Variants in SLC9A9 observed in about 807,000 individuals in gnomAD.
The protein encoded by SLC9A9 is sodium/hydrogen exchanger 9.
A neutral mutation model predicts 77.8 loss-of-function variants in SLC9A9; 62 were observed. The observed-to-expected ratio is 0.80, with a 90% CI of 0.65 to 0.98. SLC9A9 has a LOEUF of 0.98. SLC9A9 is among the 50% of genes least tolerant of loss of function. The pLI, the probability that SLC9A9 is intolerant of heterozygous loss-of-function variation, is 0.00. For synonymous variants in SLC9A9, 320 were observed against 283.5 expected (o/e 1.13, Z -1.29); for missense variants, 775 against 774.9 (o/e 1.00, Z 0.00).
At chr3:143,430,409 C>A (rs1211270838) in intron 12 of SLC9A9, among the ~76,000 whole-genome samples, 3 of 152,238 alleles carry the variant, frequency 2.0e-5, no homozygotes, top group Non-Finnish European at 4.4e-5. Context: ...TACACTCACA[C>A]ACACCTTTCT....
At chr3:143,511,790 C>G (rs1420439668) in intron 9 of SLC9A9, among the ~76,000 whole-genome samples, 1 of 152,164 alleles carries the variant, frequency 6.6e-6, no homozygotes, top group African/African-American at 2.4e-5. Flanking sequence ...TTGGGACTGA[C>G]CTATTTTCAG....
At chr3:143,514,408 AC>A (rs201997742) in intron 9 of SLC9A9, among the ~76,000 whole-genome samples, 3,092 of 152,322 alleles carry the variant, frequency 0.02, 101 homozygotes, top group African/African-American at 0.069. Flanking sequence ...GTAAACAGCT[AC>A]ATTAATCCCT....
intron 14 of SLC9A9, among the ~76,000 whole-genome samples, chr3:143,301,061 C>A (rs1156805546): frequency 6.6e-6 from 1 of 152,176 alleles, no homozygotes; most frequent in Non-Finnish European, 1.5e-5. Flanking sequence ...CCACTACCAC[C>A]TTCACCATGA....
chr3:143,462,153 G>T (rs533331354), intron 12 of SLC9A9, among the ~76,000 whole-genome samples: 43 of 152,284 alleles, frequency 2.8e-4, no homozygotes, highest in African/African-American at 1.0e-3. Flanking sequence ...GATTGCTTGA[G>T]CTCAGGAGTT....
intron 6 of SLC9A9, among the ~76,000 whole-genome samples, chr3:143,580,285 C>A (rs780669214): frequency 9.2e-5 from 14 of 152,168 alleles, no homozygotes; most frequent in Non-Finnish European, 1.6e-4. Flanking sequence ...AGAAAGCATT[C>A]CATTTGCATT....
chr3:143,371,134 T>C (rs1025731532), intron 13 of SLC9A9, among the ~76,000 whole-genome samples: 3 of 152,108 alleles, frequency 2.0e-5, no homozygotes, highest in Non-Finnish European at 2.9e-5. Context: ...GACCTGTACA[T>C]GCACAGGTTG....
intron 6 of SLC9A9, among the ~76,000 whole-genome samples, chr3:143,616,426 C>A (rs2108706130): frequency 6.6e-6 from 1 of 152,244 alleles, no homozygotes; most frequent in South Asian, 2.1e-4. Flanking sequence ...CTCCTCAAAA[C>A]AAATGACTTG....
At chr3:143,334,195 G>A (rs898665984) in intron 14 of SLC9A9, among the ~76,000 whole-genome samples, 3 of 152,180 alleles carry the variant, frequency 2.0e-5, no homozygotes, top group Non-Finnish European at 2.9e-5. Flanking sequence ...CATGAACATA[G>A]CTGAAAAGAG....
chr3:143,773,269 G>C (rs2007586245), intron 4 of SLC9A9, among the ~76,000 whole-genome samples: 1 of 152,058 alleles, frequency 6.6e-6, no homozygotes, highest in Admixed American at 6.5e-5. Context: ...AGCTAGCAAT[G>C]AGGTCTCTGG....
chr3:143,297,657 TTG>T (rs1334513188), intron 14 of SLC9A9, among the ~76,000 whole-genome samples: 1 of 152,254 alleles, frequency 6.6e-6, no homozygotes, highest in Non-Finnish European at 1.5e-5. Context: ...GTGTTTCCAT[TTG>T]TGTCTTTTAA....
At chr3:143,618,159 C>CCAAGGGAG (rs2038138794) in intron 6 of SLC9A9, among the ~76,000 whole-genome samples, 1 of 152,138 alleles carries the variant, frequency 6.6e-6, no homozygotes, top group African/African-American at 2.4e-5. Context: ...GGAGGAAAAG[C>CCAAGGGAG]ATTAATATAG....
intron 9 of SLC9A9, among the ~76,000 whole-genome samples, chr3:143,542,427 C>T (rs115904751): frequency 5.8e-4 from 88 of 152,218 alleles, no homozygotes; most frequent in African/African-American, 2.1e-3. Context: ...GAGGCAGAGG[C>T]ATTGTTGCCC....
chr3:143,492,734 A>T (rs1019095262), intron 11 of SLC9A9, among the ~76,000 whole-genome samples: 1 of 152,218 alleles, frequency 6.6e-6, no homozygotes, highest in Non-Finnish European at 1.5e-5. Flanking sequence ...GGCAAATAGC[A>T]AGTGCTAATA....
At chr3:143,565,653 T>C (rs1450714344) in intron 8 of SLC9A9, among the ~76,000 whole-genome samples, 1 of 152,058 alleles carries the variant, frequency 6.6e-6, no homozygotes, top group African/African-American at 2.4e-5. Context: ...CTAATCCCCT[T>C]GAGAATTGTA....
At chr3:143,494,571 G>A (rs1214708736) in intron 10 of SLC9A9, among the ~76,000 whole-genome samples, 2 of 152,234 alleles carry the variant, frequency 1.3e-5, no homozygotes, top group African/African-American at 4.8e-5. Flanking sequence ...TCTGCTGGCT[G>A]TTCGGATTAT....
At chr3:143,712,657 AT>A (rs1465679781) in intron 4 of SLC9A9, among the ~76,000 whole-genome samples, 1 of 152,136 alleles carries the variant, frequency 6.6e-6, no homozygotes, top group Non-Finnish European at 1.5e-5. Flanking sequence ...GAATGACTCA[AT>A]GGATTCTTTA....
At position 143,517,665 on chromosome 3, in the gene SLC9A9, C is replaced by T. The variant is rs546218682; in HGVS notation, c.1090-22217G>A. On this transcript the variant is annotated intron_variant, in intron 9 of 15. Coordinates refer to ENST00000316549, the MANE Select transcript of SLC9A9 (RefSeq NM_173653.4). ...TGGCCTAGAAGTCTGTGTGCTTTCGCCCGCCACTTGTAAGGCTGAGCTGAA... is the reference window on the plus strand; with the variant it reads ...TGGCCTAGAAGTCTGTGTGCTTTCGTCCGCCACTTGTAAGGCTGAGCTGAA... 823 of 1,597,440 alleles carry T rather than the reference C, an allele frequency of 5.2e-4. 21 individuals are homozygous for T. The South Asian group carries it at 8.5e-3, about 16-fold the overall frequency.
intron 8 of SLC9A9, among the ~76,000 whole-genome samples, chr3:143,566,878 G>A (rs538560311): frequency 6.6e-6 from 1 of 152,200 alleles, no homozygotes; most frequent in South Asian, 2.1e-4. Flanking sequence ...CTGGGAAACA[G>A]ATTATAAAAA....
chr3:143,274,010 G>T (rs1300804322), intron 14 of SLC9A9, among the ~76,000 whole-genome samples: 1 of 152,142 alleles, frequency 6.6e-6, no homozygotes, highest in Non-Finnish European at 1.5e-5. Context: ...CATATATAAT[G>T]GTCTCTGCCA....
Sources: gnomAD v4.1 joint callset for allele counts (sites outside exome capture counted in the v4.1 genomes callset) on GRCh38, gnomAD v4.1.1 for gene constraint, MANE v1.5 for transcripts, NCBI Gene and HGNC (gene_info 2026-07-23, HGNC 2026-07-21) for gene names.